Variants in AMD1 observed in about 807,000 individuals in gnomAD.
AMD1 encodes the protein adenosylmethionine decarboxylase 1.
AMD1 carries 11 observed loss-of-function variants against 40.2 expected under a neutral mutation model. The observed-to-expected ratio is 0.27, with a 90% CI of 0.17 to 0.45. AMD1 has a LOEUF of 0.45. Among genes scored for constraint, AMD1 ranks in the 20% least tolerant of loss-of-function variants. AMD1 has a pLI of 1.00. For synonymous variants in AMD1, 121 were observed against 130.8 expected, an observed-to-expected ratio of 0.93 and a Z score of 0.51; for missense variants, 257 against 410.2, an observed-to-expected ratio of 0.63 and a Z score of 3.23.
At chr6:110,858,281 T>A in the AMD1 span, 1 of 951,670 alleles carries the variant, frequency 1.1e-6, no homozygotes, top group Admixed American at 2.0e-5. Flanking sequence ...GTACGGGCTG[T>A]CAGCCGAGAT....
At chr6:110,831,970 A>G in the AMD1 span, among the ~76,000 whole-genome samples, 2 of 150,708 alleles carry the variant, frequency 1.3e-5, no homozygotes, top group Non-Finnish European at 3.0e-5. Flanking sequence ...CAGCCTCCCA[A>G]GTAGCTGGGA....
At position 110,892,483 on chromosome 6, in the gene AMD1, C is replaced by T. The variant is rs764638216; in HGVS notation, c.615+40C>T. 4.4e-6 allele frequency: 7 copies of T among 1,602,514 alleles called. No individual in the cohort carries two copies. In the Admixed American group the frequency reaches 6.9e-5, roughly 16 times the overall value. ...TAATAATTGTTGCTGGACTCTTCTGCGTGGGGACTAAATTTTATTTTTCAT... is the reference window on the plus strand; with the variant it reads ...TAATAATTGTTGCTGGACTCTTCTGTGTGGGGACTAAATTTTATTTTTCAT... On this transcript the variant is annotated intron_variant, in intron 6 of 8. Transcript: ENST00000368885.
chr6:110,851,155 G>A, the AMD1 span, among the ~76,000 whole-genome samples: 2 of 152,002 alleles, frequency 1.3e-5, no homozygotes, highest in East Asian at 1.9e-4. Flanking sequence ...TAGTAGAGAC[G>A]AGGTTTCAGC....
upstream of AMD1, among the ~76,000 whole-genome samples, chr6:110,874,599 C>G (rs368349681): frequency 2.0e-5 from 3 of 151,504 alleles, no homozygotes; most frequent in Admixed American, 6.6e-5. Flanking sequence ...GGCCAGAGCC[C>G]GAGCCGCAGC....
At chr6:110,872,428 T>C (rs1410158248), upstream of AMD1, among the ~76,000 whole-genome samples, 2 of 152,136 alleles carry the variant, frequency 1.3e-5, no homozygotes, top group Non-Finnish European at 2.9e-5. Context: ...CTTTAAGTGT[T>C]TTATGTGCAA....
At chr6:110,857,451 G>A in the AMD1 span, among the ~76,000 whole-genome samples, 2 of 151,320 alleles carry the variant, frequency 1.3e-5, no homozygotes, top group African/African-American at 4.9e-5. Flanking sequence ...AGAATCGCTT[G>A]AACCTGGGGA....
At chr6:110,855,258 A>G in the AMD1 span, among the ~76,000 whole-genome samples, 1 of 151,894 alleles carries the variant, frequency 6.6e-6, no homozygotes, top group East Asian at 1.9e-4. Context: ...AAATTTCCAC[A>G]TGTACTTAAA....
chr6:110,878,246 C>T (rs28551716), intron 1 of AMD1, among the ~76,000 whole-genome samples: 5,521 of 152,164 alleles, frequency 0.036, 129 homozygotes, highest in Middle Eastern at 0.071. Flanking sequence ...CGATATTTAC[C>T]TTTCATATTT....
At chr6:110,892,044 G>C (rs1786049308) in intron 4 of AMD1, 117 bp from the exon 5 acceptor site, 7 of 1,219,080 alleles carry the variant, frequency 5.7e-6, no homozygotes. Context: ...TCCACTGATG[G>C]ATGACATTTC....
At chr6:110,815,532 G>A in the AMD1 span, 2 of 161,250 alleles carry the variant, frequency 1.2e-5, no homozygotes, top group African/African-American at 2.4e-5. Flanking sequence ...AGCGGCCTGG[G>A]CGGTTTTGCC....
At chr6:110,839,767 A>G in the AMD1 span, among the ~76,000 whole-genome samples, 70 of 152,268 alleles carry the variant, frequency 4.6e-4, no homozygotes, top group African/African-American at 1.6e-3. Context: ...GCAGGAAGAC[A>G]ATTATAATTG....
At chr6:110,859,301 C>G in the AMD1 span, among the ~76,000 whole-genome samples, 3 of 152,148 alleles carry the variant, frequency 2.0e-5, no homozygotes, top group Non-Finnish European at 4.4e-5. Context: ...CTTTCTTCCC[C>G]CTTGCCTTGG....
the AMD1 span, among the ~76,000 whole-genome samples, chr6:110,841,959 C>G: frequency 6.6e-6 from 1 of 152,018 alleles, no homozygotes; most frequent in African/African-American, 2.4e-5. Flanking sequence ...TGCACCACCA[C>G]GCCTGGCTAA....
At chr6:110,875,971 T>C (rs886719642) in intron 1 of AMD1, among the ~76,000 whole-genome samples, 1 of 152,026 alleles carries the variant, frequency 6.6e-6, no homozygotes, top group Non-Finnish European at 1.5e-5. Context: ...CCCAATCTCT[T>C]GACCTTGGGT....
At chr6:110,850,591 A>G in the AMD1 span, among the ~76,000 whole-genome samples, 1 of 152,216 alleles carries the variant, frequency 6.6e-6, no homozygotes, top group African/African-American at 2.4e-5. Context: ...AAGGCTTTAC[A>G]TACCAAAATA....
intron 5 of AMD1, 43 bp from the exon 6 acceptor site, chr6:110,892,255 CT>C (rs1562340635): frequency 6.2e-7 from 1 of 1,613,550 alleles, no homozygotes; most frequent in Non-Finnish European, 8.5e-7. Flanking sequence ...AAGATTTAAA[CT>C]GCCAATTGTC....
chr6:110,882,045 C>G (rs896391135), intron 1 of AMD1, among the ~76,000 whole-genome samples: 4 of 152,172 alleles, frequency 2.6e-5, no homozygotes, highest in African/African-American at 9.7e-5. Context: ...ACTAGTGCTT[C>G]AAAGTCTCAG....
In AMD1 at chr6:110,892,142, C is replaced by G. The variant is rs759300343; in HGVS notation, c.428-19C>G. On this transcript the variant is annotated intron_variant, in intron 4 of 8. Coordinates refer to ENST00000368885, the MANE Select transcript of AMD1 (RefSeq NM_001634.6). ...AAATGGATGTGTTATATTTATTTTG[C>G]GTTCTCTTCCCTCAACAGATGGAGC... is the stretch of plus-strand genomic sequence containing the variant. 1 of 1,612,360 alleles carries G rather than the reference C, an allele frequency of 6.2e-7. No homozygotes were observed. Among genetic ancestry groups the G allele is most frequent in the Non-Finnish European group, 8.5e-7 (1 of 1,179,442 alleles).
At chr6:110,853,928 C>T in the AMD1 span, among the ~76,000 whole-genome samples, 1 of 152,182 alleles carries the variant, frequency 6.6e-6, no homozygotes, top group Non-Finnish European at 1.5e-5. Flanking sequence ...CTCCATCGCA[C>T]GACTAAACCC....
Sources: gnomAD v4.1 joint callset for allele counts (sites outside exome capture counted in the v4.1 genomes callset) on GRCh38, gnomAD v4.1.1 for gene constraint, MANE v1.5 for transcripts, NCBI Gene and HGNC (gene_info 2026-07-23, HGNC 2026-07-21) for gene names.